COX6A1: variants seen among roughly 807,000 people sequenced by gnomAD.
COX6A1 encodes the protein cytochrome c oxidase subunit 6A1, mitochondrial.
A neutral mutation model predicts 11.3 loss-of-function variants in COX6A1; 10 were observed. The ratio of observed to expected loss-of-function variants is 0.88; its 90% CI spans 0.54 to 1.50. The LOEUF (loss-of-function observed/expected upper bound fraction) is 1.50. COX6A1 is among the 40% of genes most tolerant of loss of function. The pLI is 0.00. For synonymous variants in COX6A1, 81 were observed against 60.6 expected, an observed-to-expected ratio of 1.34 and a Z score of -1.57; for missense variants, 149 against 147.6, an observed-to-expected ratio of 1.01 and a Z score of -0.05.
At position 120,438,359 on chromosome 12, in the gene COX6A1, C is replaced by A; in HGVS notation, c.104-20C>A. 1.2e-6 allele frequency: 2 copies of A among 1,614,224 alleles called. No homozygotes were observed. The highest frequency in any genetic ancestry group is 1.1e-5 in the South Asian group (1 of 91,090). ...GGGCCCGCCCCATACCGGCGCTGAACGTTTGTGGCTTCTCCGCAGCTCGCA... is the reference window on the plus strand; with the variant it reads ...GGGCCCGCCCCATACCGGCGCTGAAAGTTTGTGGCTTCTCCGCAGCTCGCA... On this transcript the variant is annotated intron_variant, in intron 1 of 2. Coordinates refer to ENST00000229379, the MANE Select transcript of COX6A1 (RefSeq NM_004373.4).
intron 2 of COX6A1, chr12:120,438,766 C>T: frequency 2.1e-6 from 1 of 484,468 alleles, no homozygotes; most frequent in East Asian, 3.9e-5. Context: ...ATTCATCCTA[C>T]CTCCTGCCTT....
intron 2 of COX6A1, 54 bp from the exon 3 acceptor site, chr12:120,440,400 T>G (rs4767894): frequency 2.9e-6 from 4 of 1,365,002 alleles, no homozygotes; most frequent in Non-Finnish European, 4.2e-6. Context: ...TTCATGACGG[T>G]GTTCTTTCTA....
intron 2 of COX6A1, 101 bp downstream of exon 2, chr12:120,438,622 C>T: frequency 1.3e-6 from 2 of 1,515,430 alleles, no homozygotes; most frequent in Non-Finnish European, 1.8e-6. Flanking sequence ...CAGGCGTGTA[C>T]AGCTTGTTTA....
rs1042091448 is a variant in COX6A1, at chr12:120,440,678, T to A, written c.*141T>A. 2.7e-5 allele frequency: 15 copies of A among 552,968 alleles called. No individual in the cohort carries two copies. Among genetic ancestry groups the A allele is most frequent in the Non-Finnish European group, 4.6e-5 (14 of 305,254 alleles). The allele number at this position is 552,968 out of a possible 1,614,324, so 34.3% of individuals were successfully genotyped here. Reference sequence around the variant, plus strand: ...TCAAATGATGACTGGTATACTGGTCTCCCATCCCTTTGCTTGTGGCAGGAG... The same window carrying A: ...TCAAATGATGACTGGTATACTGGTCACCCATCCCTTTGCTTGTGGCAGGAG... On this transcript the variant is annotated 3_prime_UTR_variant, in exon 3 of 3. Coordinates refer to ENST00000229379, the MANE Select transcript of COX6A1 (RefSeq NM_004373.4).
chr12:120,439,879 TC>T (rs1264487092), intron 2 of COX6A1: 1 of 150,096 alleles, frequency 6.7e-6, no homozygotes, highest in Non-Finnish European at 1.5e-5. Context: ...CACTCCCGCT[TC>T]CCCCTCCCCC....
chr12:120,438,760 A>C, intron 2 of COX6A1: 1 of 417,592 alleles, frequency 2.4e-6, no homozygotes, highest in Non-Finnish European at 4.2e-6. Flanking sequence ...TCTCCGATTC[A>C]TCCTACCTCC....
In COX6A1 at chr12:120,438,116, C is replaced by G. The variant is rs191333802; in HGVS notation, c.-11C>G. 4.8e-5 allele frequency: 77 copies of G among 1,612,708 alleles called. No individual in the cohort carries two copies. The highest frequency in any genetic ancestry group is 6.4e-5 in the Non-Finnish European group (76 of 1,179,544). ...CTTCCGCTTCCGGCGCTGCGGCAGT[C>G]CAGATCAAAAATGGCGGTAGTTGGT... On this transcript the variant is annotated 5_prime_UTR_variant, in exon 1 of 3. Coordinates refer to ENST00000229379, the MANE Select transcript of COX6A1 (RefSeq NM_004373.4).
At chr12:120,438,582 A>G (rs1592976916) in intron 2 of COX6A1, 61 bp downstream of exon 2, 1 of 1,611,406 alleles carries the variant, frequency 6.2e-7, no homozygotes, top group East Asian at 2.2e-5. Flanking sequence ...GCCTTAGTGC[A>G]AGTTCTTCAT....
rs1383638607 is a variant in COX6A1, at chr12:120,440,490, C to T, written c.283C>T (p.His95Tyr). 6.2e-6 allele frequency: 10 copies of T among 1,613,236 alleles called. No homozygotes were observed. The highest frequency in any genetic ancestry group is 1.6e-4 in the Middle Eastern group (1 of 6,074). The change falls in exon 3 of 3, where the codon CAT becomes TAT. Residue 95 changes from histidine to tyrosine, a missense_variant. His to Tyr is a moderately conservative substitution (Grantham distance 83). Coordinates refer to ENST00000229379, the MANE Select transcript of COX6A1 (RefSeq NM_004373.4). ...GGGAGATGGTAACCATACTCTATTC[C>T]ATAACCCTCATGTGAATCCACTTCC... The part of the protein sequence containing the change: ...PWGDGNHTLF[H>Y]NPHVNPLPTG...
chr12:120,439,593 GTTA>G (rs568707652), intron 2 of COX6A1, among the ~76,000 whole-genome samples: 18 of 151,144 alleles, frequency 1.2e-4, no homozygotes, highest in South Asian at 6.3e-4. Flanking sequence ...GATGAAAAAA[GTTA>G]TTATTATTAT....
At chr12:120,439,278 G>T (rs1186046003) in intron 2 of COX6A1, among the ~76,000 whole-genome samples, 1 of 152,200 alleles carries the variant, frequency 6.6e-6, no homozygotes, top group Non-Finnish European at 1.5e-5. Flanking sequence ...TGTAATCCCA[G>T]CACTTTGGGA....
chr12:120,439,010 C>T (rs187069689), intron 2 of COX6A1, among the ~76,000 whole-genome samples: 26 of 152,164 alleles, frequency 1.7e-4, no homozygotes, highest in African/African-American at 6.0e-4. Context: ...TGCACTCCGG[C>T]CTGGGCAACA....
chr12:120,439,758 T>C (rs1306548036), intron 2 of COX6A1, among the ~76,000 whole-genome samples: 1 of 152,144 alleles, frequency 6.6e-6, no homozygotes, highest in East Asian at 1.9e-4. Context: ...TCAGCACTGT[T>C]GACATTTGGG....
At chr12:120,438,814 T>TTTA (rs1555218623) in intron 2 of COX6A1, 2 of 328,304 alleles carry the variant, frequency 6.1e-6, no homozygotes, top group East Asian at 7.5e-5. Flanking sequence ...TTTTTTTTTT[T>TTTA]ACTTCTGAGA....
intron 2 of COX6A1, among the ~76,000 whole-genome samples, chr12:120,439,232 A>T (rs892336938): frequency 2.6e-5 from 4 of 152,150 alleles, no homozygotes; most frequent in African/African-American, 9.7e-5. Flanking sequence ...GCTTATTCTG[A>T]TTCTTCAATA....
intron 2 of COX6A1, among the ~76,000 whole-genome samples, chr12:120,439,024 C>T (rs1413816940): frequency 3.3e-5 from 5 of 151,688 alleles, no homozygotes; most frequent in Admixed American, 6.6e-5. Context: ...GGCAACAGAG[C>T]GAGACTCTGG....
At chr12:120,438,551 C>T (rs762532102) in intron 2 of COX6A1, 30 bp downstream of exon 2, 61 of 1,614,148 alleles carry the variant, frequency 3.8e-5, no homozygotes, top group Non-Finnish European at 5.1e-5. Context: ...TTCAAGCGTC[C>T]GTTCTCTTTT....
chr12:120,440,038 A>G (rs1877686249), intron 2 of COX6A1: 1 of 155,738 alleles, frequency 6.4e-6, no homozygotes, highest in Admixed American at 6.5e-5. Flanking sequence ...CAGCCCAGAT[A>G]TTGTTTGAAG....
Position 120,438,162 on chromosome 12 carries a change from G to T in COX6A1, c.36G>T (p.Leu12=), listed in dbSNP as rs146320405. Reference sequence around the variant, plus strand: ...TTGGTGTGTCCTCGGTTTCTCGGCTGCTGGGTCGGTCCCGCCCACAGCTGG... The same window carrying T: ...TTGGTGTGTCCTCGGTTTCTCGGCTTCTGGGTCGGTCCCGCCCACAGCTGG... ...AVVGVSSVSR[L]LGRSRPQLGR... is the part of the protein sequence containing the mutation. The change falls in exon 1 of 3, where the codon CTG becomes CTT. Residue 12 remains leucine, a synonymous_variant. Coordinates refer to ENST00000229379, the MANE Select transcript of COX6A1 (RefSeq NM_004373.4). 6.2e-7 allele frequency: 1 copy of T among 1,613,822 alleles called. No homozygotes were observed. Among genetic ancestry groups the T allele is most frequent in the Admixed American group, 1.7e-5 (1 of 59,994 alleles).
Sources: gnomAD v4.1 joint callset for allele counts (sites outside exome capture counted in the v4.1 genomes callset) on GRCh38, gnomAD v4.1.1 for gene constraint, MANE v1.5 for transcripts, NCBI Gene and HGNC (gene_info 2026-07-23, HGNC 2026-07-21) for gene names.